Variants in COG6 observed in about 807,000 individuals in gnomAD.
COG6 encodes conserved oligomeric Golgi complex subunit 6.
In COG6, 74 loss-of-function variants were observed where a neutral mutation model predicts 88.8. The ratio of observed to expected loss-of-function variants is 0.83; its 90% CI spans 0.69 to 1.01. COG6 has a LOEUF of 1.01. Ranked by LOEUF, COG6 falls within the 50% of genes least tolerant of loss-of-function variation. COG6 has a pLI of 0.00. For missense variants in COG6, 800 were observed against 797.9 expected (o/e 1.00, Z -0.03); for synonymous variants, 286 against 278.7 (o/e 1.03, Z -0.26).
chr13:39,777,381 AAG>A (rs1881495932), intron 18 of COG6, among the ~76,000 whole-genome samples: 1 of 152,158 alleles, frequency 6.6e-6, no homozygotes, highest in South Asian at 2.1e-4. Flanking sequence ...CTGTAAGAAT[AAG>A]AGTTAACTAG....
At chr13:39,788,327 G>A (rs1881835925) in intron 18 of COG6, 1 of 1,551,642 alleles carries the variant, frequency 6.4e-7, no homozygotes, top group Non-Finnish European at 8.7e-7. Flanking sequence ...GTTGGCATTT[G>A]CTCACAGGCG....
At position 39,752,618 on chromosome 13, in the gene COG6, A is replaced by C; in HGVS notation, c.*1525A>C. The stretch of plus-strand genomic sequence containing the variant: ...TTTACCTGGTTTTTTCAAATAAAAT[A>C]TTAAAATATTTCTAGAGCAGCAATT... On this transcript the variant is annotated 3_prime_UTR_variant, in exon 19 of 19. Coordinates refer to ENST00000455146, the MANE Select transcript of COG6 (RefSeq NM_020751.3). 1 of 1,263,106 alleles carries C rather than the reference A, an allele frequency of 7.9e-7. No individual in the cohort carries two copies. The highest frequency in any genetic ancestry group is 1.5e-5 in the African/African-American group (1 of 64,750). 78.2% of individuals were successfully genotyped at this position (1,263,106 alleles called of 1,614,324 possible). A position where few individuals can be genotyped will look rare whatever the true frequency, so the allele number is the denominator to read the frequency against.
At chr13:39,676,346 A>G (rs1353395335) in intron 4 of COG6, among the ~76,000 whole-genome samples, 1 of 152,164 alleles carries the variant, frequency 6.6e-6, no homozygotes, top group Non-Finnish European at 1.5e-5. Flanking sequence ...AATTTTTTGA[A>G]TAAGACCTCA....
At chr13:39,743,807 G>C (rs544944389) in intron 18 of COG6, among the ~76,000 whole-genome samples, 152 of 152,074 alleles carry the variant, frequency 1.0e-3, no homozygotes, top group African/African-American at 3.2e-3. Flanking sequence ...CAAAAAAAGA[G>C]AATTTTAGAC....
chr13:39,751,859 C>A lies in COG6; in HGVS notation c.*766C>A. 7.8e-7 allele frequency: 1 copy of A among 1,286,984 alleles called. No homozygotes were observed. Among genetic ancestry groups the A allele is most frequent in the Non-Finnish European group, 1.0e-6 (1 of 988,534 alleles). The allele number at this position is 1,286,984 out of a possible 1,614,324, so 79.7% of individuals were successfully genotyped here. On this transcript the variant is annotated 3_prime_UTR_variant, in exon 19 of 19. Coordinates refer to ENST00000455146, the MANE Select transcript of COG6 (RefSeq NM_020751.3). Reference sequence around the variant, plus strand: ...AATGAGCTCTAAGCATGTAGATAGCCTGAGCTGTGTCTAAGCCTGGTGTTT... The same window carrying A: ...AATGAGCTCTAAGCATGTAGATAGCATGAGCTGTGTCTAAGCCTGGTGTTT...
chr13:39,730,584 G>A (rs993477495), intron 18 of COG6, among the ~76,000 whole-genome samples: 2 of 151,458 alleles, frequency 1.3e-5, no homozygotes, highest in Non-Finnish European at 2.9e-5. Context: ...GACCAGCCTT[G>A]CCAATATGGT....
chr13:39,701,249 C>T (rs1877561799), intron 13 of COG6, among the ~76,000 whole-genome samples: 1 of 151,378 alleles, frequency 6.6e-6, no homozygotes, highest in African/African-American at 2.4e-5. Context: ...TCACAAATAT[C>T]TAGAATGCAG....
intron 1 of COG6, chr13:39,656,120 C>A (rs1237373769): frequency 6.1e-6 from 4 of 657,008 alleles, no homozygotes; most frequent in Non-Finnish European, 8.4e-6. Context: ...TGAAAAGGTG[C>A]CTTCAAGGCT....
chr13:39,788,542 A>T, exon 19 of COG6: 1 of 608,154 alleles, frequency 1.6e-6, no homozygotes, highest in East Asian at 2.8e-5. Context: ...ACCAAATGGA[A>T]ACTCAGATTT....
chr13:39,788,577 A>C, exon 19 of COG6: 1 of 572,078 alleles, frequency 1.7e-6, no homozygotes, highest in Non-Finnish European at 3.1e-6. Flanking sequence ...TGCGGATCAT[A>C]ATACGCACAC....
At chr13:39,788,150 G>A (rs562226470) in intron 18 of COG6, among the ~76,000 whole-genome samples, 5 of 152,234 alleles carry the variant, frequency 3.3e-5, no homozygotes, top group Admixed American at 2.6e-4. Flanking sequence ...AATAATAAAC[G>A]GTAAGCAGAG....
At chr13:39,704,017 A>G (rs1877738023) in intron 13 of COG6, among the ~76,000 whole-genome samples, 1 of 152,032 alleles carries the variant, frequency 6.6e-6, no homozygotes, top group South Asian at 2.1e-4. Flanking sequence ...TACAGGTGTG[A>G]GCCATCACAC....
intron 18 of COG6, among the ~76,000 whole-genome samples, chr13:39,750,299 C>G (rs945743407): frequency 6.6e-6 from 1 of 152,106 alleles, no homozygotes; most frequent in African/African-American, 2.4e-5. Context: ...AGTTGTTGCA[C>G]ATTTAATGAA....
chr13:39,671,950 C>T (rs767628189), intron 4 of COG6, among the ~76,000 whole-genome samples: 1 of 151,970 alleles, frequency 6.6e-6, no homozygotes, highest in Non-Finnish European at 1.5e-5. Context: ...TGGTCTTTGA[C>T]TATTTTAACT....
chr13:39,676,098 C>A (rs1875950057), intron 4 of COG6, among the ~76,000 whole-genome samples: 2 of 152,042 alleles, frequency 1.3e-5, no homozygotes, highest in Admixed American at 1.3e-4. Context: ...GCTGTAGTCA[C>A]CCTAGTTTGT....
intron 13 of COG6, among the ~76,000 whole-genome samples, chr13:39,711,374 C>T (rs1202743040): frequency 1.3e-5 from 2 of 152,124 alleles, no homozygotes; most frequent in African/African-American, 4.8e-5. Flanking sequence ...CTACAGCATC[C>T]TCTCTGAAAA....
chr13:39,687,818 T>G lies in COG6; in HGVS notation c.1009+19T>G. 6.7e-7 allele frequency: 1 copy of G among 1,493,820 alleles called. No individual in the cohort carries two copies. Among genetic ancestry groups the G allele is most frequent in the Non-Finnish European group, 9.3e-7 (1 of 1,071,202 alleles). The allele number at this position is 1,493,820 out of a possible 1,614,324, so 92.5% of individuals were successfully genotyped here. A position where few individuals can be genotyped will look rare whatever the true frequency, so the allele number is the denominator to read the frequency against. ...ACACAAGGTGGGTCCACCAATTGTA[T>G]TGCTAATGCCTAAATATAGAAAATA... is the stretch of plus-strand genomic sequence containing the variant. On this transcript the variant is annotated intron_variant, in intron 10 of 18. Coordinates refer to ENST00000455146, the MANE Select transcript of COG6 (RefSeq NM_020751.3).
intron 7 of COG6, among the ~76,000 whole-genome samples, chr13:39,681,294 CCTT>C (rs1403359207): frequency 2.0e-5 from 3 of 152,198 alleles, no homozygotes; most frequent in Non-Finnish European, 2.9e-5. Context: ...CTACCTCTCT[CCTT>C]CTTTACATTG....
chr13:39,667,643 A>G (rs1312865421), intron 4 of COG6, among the ~76,000 whole-genome samples: 9 of 152,236 alleles, frequency 5.9e-5, no homozygotes, highest in Admixed American at 5.9e-4. Context: ...TAGTGTATAT[A>G]TAGACAACTT....
Sources: allele counts gnomAD v4.1 joint callset (sites outside exome capture counted in the v4.1 genomes callset), GRCh38; gene constraint gnomAD v4.1.1; transcripts MANE v1.5; gene names NCBI Gene and HGNC (gene_info 2026-07-23, HGNC 2026-07-21).